The following GRID2 variants were observed in gnomAD, a reference collection of about 807,000 sequenced individuals.
GRID2 encodes the protein glutamate receptor ionotropic, delta-2.
A neutral mutation model predicts 114.8 loss-of-function variants in GRID2; 33 were observed. The observed-to-expected ratio is 0.29, with a 90% CI of 0.22 to 0.38. GRID2 has a LOEUF of 0.38. Ranked by LOEUF, GRID2 falls within the 10% of genes least tolerant of loss-of-function variation. The pLI, the probability that GRID2 is intolerant of heterozygous loss-of-function variation, is 1.00. For synonymous variants in GRID2, 505 were observed against 449.9 expected (o/e 1.12, Z -1.55); for missense variants, 1,184 against 1,257.7 (o/e 0.94, Z 0.89).
chr4:92,566,003 A>G (rs1421566497), intron 1 of GRID2, among the ~76,000 whole-genome samples: 3 of 152,132 alleles, frequency 2.0e-5, no homozygotes, highest in Non-Finnish European at 4.4e-5. Flanking sequence ...TACCTATACA[A>G]TCCCTATGTG....
intron 2 of GRID2, among the ~76,000 whole-genome samples, chr4:92,942,212 TTG>T (rs1560726260): frequency 6.6e-6 from 1 of 152,168 alleles, no homozygotes; most frequent in African/African-American, 2.4e-5. Context: ...CTAAGTCTCT[TTG>T]TAGGTCACTA....
chr4:93,057,109 G>A (rs1028817590), intron 2 of GRID2, among the ~76,000 whole-genome samples: 2 of 151,472 alleles, frequency 1.3e-5, no homozygotes, highest in Non-Finnish European at 3.0e-5. Flanking sequence ...AACTTGCGAA[G>A]AGACCAAAAG....
intron 1 of GRID2, among the ~76,000 whole-genome samples, chr4:92,314,795 C>G (rs906735485): frequency 6.6e-6 from 1 of 152,064 alleles, no homozygotes; most frequent in South Asian, 2.1e-4. Context: ...TGAAAAAATT[C>G]TGAAAACCAA....
At chr4:93,258,456 G>T (rs904399367) in intron 8 of GRID2, among the ~76,000 whole-genome samples, 5 of 151,478 alleles carry the variant, frequency 3.3e-5, no homozygotes, top group African/African-American at 7.3e-5. Context: ...ACTCATGAAA[G>T]AATTAAAGTT....
intron 14 of GRID2, among the ~76,000 whole-genome samples, chr4:93,743,114 A>G (rs1484247497): frequency 6.6e-6 from 1 of 152,220 alleles, no homozygotes; most frequent in Non-Finnish European, 1.5e-5. Flanking sequence ...AGAAAGTTTA[A>G]TTGGTCTGGA....
intron 11 of GRID2, among the ~76,000 whole-genome samples, chr4:93,470,560 C>A (rs182048195): frequency 6.6e-6 from 1 of 151,812 alleles, no homozygotes; most frequent in Non-Finnish European, 1.5e-5. Context: ...GTAGATAATT[C>A]CATATACCAA....
intron 9 of GRID2, among the ~76,000 whole-genome samples, chr4:93,396,896 C>G (rs1400055380): frequency 2.0e-5 from 3 of 151,950 alleles, no homozygotes; most frequent in Non-Finnish European, 4.4e-5. Context: ...TAGTTTATAG[C>G]CTGTTTCAAA....
rs879530293 is a variant in GRID2 at position 92,949,165 on chromosome 4, T to TGTGA, written c.245-135829_245-135828insTGAG. 3.3e-5 allele frequency among the ~76,000 whole-genome samples: 5 copies of TGTGA among 150,562 alleles called. No homozygotes were observed. The East Asian group carries it at 5.9e-4, about 18-fold the overall frequency. ...GTGTGTGTGTGTCTGTGTGTGTGTGTGAGAGAGAGAGAGAAGGAGGGAGTA... is the reference window on the plus strand; with the variant it reads ...GTGTGTGTGTGTCTGTGTGTGTGTGTGTGAGAGAGAGAGAGAGAAGGAGGGAGTA... On this transcript the variant is annotated intron_variant, in intron 2 of 15. Transcript: ENST00000282020.
chr4:93,128,937 T>G (rs1020770657), intron 4 of GRID2, among the ~76,000 whole-genome samples: 1 of 152,200 alleles, frequency 6.6e-6, no homozygotes, highest in Non-Finnish European at 1.5e-5. Flanking sequence ...ATGGTATTAC[T>G]AAATTATCCA....
chr4:93,360,771 AT>A (rs2149274398), intron 8 of GRID2, among the ~76,000 whole-genome samples: 1 of 151,876 alleles, frequency 6.6e-6, no homozygotes, highest in South Asian at 2.1e-4. Flanking sequence ...ATTATTTATG[AT>A]ATTTTTCATA....
intron 2 of GRID2, among the ~76,000 whole-genome samples, chr4:92,622,549 T>G (rs76129230): frequency 0.056 from 8,437 of 151,828 alleles, 302 homozygotes; most frequent in East Asian, 0.16. Context: ...TTTTTCCCCT[T>G]GGGATTTCCC....
intron 8 of GRID2, among the ~76,000 whole-genome samples, chr4:93,315,378 C>T (rs1194782797): frequency 2.0e-5 from 3 of 152,084 alleles, no homozygotes; most frequent in South Asian, 2.1e-4. Flanking sequence ...AGTTTATATG[C>T]TTCGACCAGC....
At chr4:92,966,510 A>G (rs1190849074) in intron 2 of GRID2, among the ~76,000 whole-genome samples, 1 of 151,874 alleles carries the variant, frequency 6.6e-6, no homozygotes, top group Non-Finnish European at 1.5e-5. Context: ...CTCACCTTGA[A>G]TTGTAATAAT....
chr4:92,718,427 AGTTT>A (rs1735648060), intron 2 of GRID2, among the ~76,000 whole-genome samples: 1 of 152,092 alleles, frequency 6.6e-6, no homozygotes, highest in Non-Finnish European at 1.5e-5. Flanking sequence ...TTTTAAATAT[AGTTT>A]ATTTATAGAT....
chr4:93,392,233 CATT>C (rs1028330039), intron 8 of GRID2, among the ~76,000 whole-genome samples: 2 of 152,132 alleles, frequency 1.3e-5, no homozygotes, highest in South Asian at 2.1e-4. Flanking sequence ...GTCTTGGACT[CATT>C]GTTAAAAAAA....
intron 2 of GRID2, among the ~76,000 whole-genome samples, chr4:92,889,928 A>G (rs559034924): frequency 6.6e-6 from 1 of 152,268 alleles, no homozygotes; most frequent in East Asian, 1.9e-4. Context: ...ATATAGACCA[A>G]TGGAACAGAA....
At chr4:93,246,768 T>C (rs1195685461) in intron 8 of GRID2, among the ~76,000 whole-genome samples, 1 of 152,034 alleles carries the variant, frequency 6.6e-6, no homozygotes, top group African/African-American at 2.4e-5. Flanking sequence ...CATAAAGTCA[T>C]GAGATGGATA....
intron 4 of GRID2, among the ~76,000 whole-genome samples, chr4:93,124,082 T>C (rs1002175466): frequency 7.0e-6 from 1 of 143,232 alleles, no homozygotes; most frequent in Admixed American, 7.3e-5. Context: ...AATGTGCACA[T>C]GTACCCTAAA....
At chr4:92,337,541 T>C (rs917868954) in intron 1 of GRID2, among the ~76,000 whole-genome samples, 1 of 152,120 alleles carries the variant, frequency 6.6e-6, no homozygotes. Context: ...TGAGACTGGG[T>C]CACCTCAGAA....
Sources: gnomAD v4.1 joint callset for allele counts (sites outside exome capture counted in the v4.1 genomes callset) on GRCh38, gnomAD v4.1.1 for gene constraint, MANE v1.5 for transcripts, NCBI Gene and HGNC (gene_info 2026-07-23, HGNC 2026-07-21) for gene names.